CSMD1: variants seen among roughly 807,000 people sequenced by gnomAD.
CSMD1 encodes the protein CUB and Sushi multiple domains 1.
A neutral mutation model predicts 417.5 loss-of-function variants in CSMD1; 213 were observed. The ratio of observed to expected loss-of-function variants is 0.51; its 90% CI spans 0.46 to 0.57. The LOEUF (loss-of-function observed/expected upper bound fraction) is 0.57. CSMD1 is among the 20% of genes least tolerant of loss of function. The pLI is 0.00. For synonymous variants in CSMD1, 2,862 were observed against 1,736.8 expected (o/e 1.65, Z -16.11); for missense variants, 6,923 against 4,529.7 (o/e 1.53, Z -15.17).
intron 5 of CSMD1, among the ~76,000 whole-genome samples, chr8:3,868,492 G>C (rs180713317): frequency 9.8e-4 from 149 of 152,122 alleles, no homozygotes; most frequent in African/African-American, 3.4e-3. Context: ...TCATTCAACA[G>C]ACACAAAGAA....
In CSMD1 at chr8:4,554,406, C is replaced by T. The variant is rs116943127; in HGVS notation, c.302+82936G>A. ...CCTGCCTCGGCCTCCCAAAGTGCTA[C>T]GATAACAGGCGTGAACAGGCCACCG... On this transcript the variant is annotated intron_variant, in intron 2 of 69. Transcript: ENST00000635120. 7.6e-3 allele frequency among the ~76,000 whole-genome samples: 1,151 copies of T among 152,232 alleles called. 5 individuals are homozygous for T. The highest frequency in any genetic ancestry group is 0.011 in the Non-Finnish European group (722 of 68,012).
intron 4 of CSMD1, among the ~76,000 whole-genome samples, chr8:4,025,412 G>A (rs1046183380): frequency 2.0e-5 from 3 of 152,168 alleles, no homozygotes; most frequent in East Asian, 1.9e-4. Context: ...ATCCTAGGCT[G>A]TACCATTATT....
At chr8:3,085,652 G>C (rs571767633) in intron 49 of CSMD1, among the ~76,000 whole-genome samples, 52 of 152,258 alleles carry the variant, frequency 3.4e-4, no homozygotes, top group African/African-American at 1.3e-3. Flanking sequence ...GCATTAAATA[G>C]TTCTGCTGGG....
At chr8:3,705,394 G>T (rs76742162) in intron 7 of CSMD1, among the ~76,000 whole-genome samples, 2 of 152,148 alleles carry the variant, frequency 1.3e-5, no homozygotes, top group Non-Finnish European at 2.9e-5. Flanking sequence ...TACAGGAGCT[G>T]CTAGCAGTGT....
chr8:3,553,005 T>C (rs557901636), intron 10 of CSMD1, among the ~76,000 whole-genome samples: 102 of 152,144 alleles, frequency 6.7e-4, no homozygotes, highest in Admixed American at 1.6e-3. Context: ...TCACGTACTG[T>C]CTGTCAATTA....
Position 3,586,217 on chromosome 8 carries a change from G to A in CSMD1, c.1141C>T (p.Leu381Phe), listed in dbSNP as rs759635914. ...CAGGTGATGCTTTTAGATCCCTGGA[G>A]CACGTAATTGTCCTCACATGAAAAC... ...VQFSCEDNYVLQGSKSITCQR... is the reference protein window; with the variant it reads ...VQFSCEDNYVFQGSKSITCQR... The change falls in exon 9 of 70, where the codon CTC becomes TTC. Residue 381 changes from leucine (L) to phenylalanine (F), a missense_variant. Physicochemically the swap from Leu to Phe is conservative, Grantham distance 22. Transcript: ENST00000635120. 23 of 1,611,254 alleles carry A rather than the reference G, an allele frequency of 1.4e-5. No homozygotes were observed. In the Admixed American group the frequency reaches 3.0e-4, roughly 21 times the overall value.
intron 5 of CSMD1, among the ~76,000 whole-genome samples, chr8:3,967,875 G>C (rs1004271877): frequency 6.6e-6 from 1 of 151,856 alleles, no homozygotes; most frequent in African/African-American, 2.4e-5. Flanking sequence ...GCTTAAGAAT[G>C]TGCCACAATT....
At chr8:3,556,103 G>C (rs1266172230) in intron 10 of CSMD1, among the ~76,000 whole-genome samples, 2 of 151,950 alleles carry the variant, frequency 1.3e-5, no homozygotes, top group East Asian at 1.9e-4. Context: ...AACTACATAA[G>C]ACTCCTCACA....
intron 2 of CSMD1, among the ~76,000 whole-genome samples, chr8:4,508,455 T>A (rs1036658379): frequency 6.6e-6 from 1 of 152,186 alleles, no homozygotes; most frequent in Non-Finnish European, 1.5e-5. Context: ...ATGAAACAAG[T>A]AAGAATTTTA....
chr8:4,845,734 G>A (rs1801103615), intron 1 of CSMD1, among the ~76,000 whole-genome samples: 1 of 152,186 alleles, frequency 6.6e-6, no homozygotes, highest in African/African-American at 2.4e-5. Flanking sequence ...CAGAGAGGGA[G>A]CACTGGCCGG....
At chr8:3,509,438 C>G (rs1464401227) in intron 10 of CSMD1, among the ~76,000 whole-genome samples, 1 of 152,174 alleles carries the variant, frequency 6.6e-6, no homozygotes. Flanking sequence ...TTTGGTGATT[C>G]TGCCTTCTAT....
chr8:4,798,243 A>G (rs1227548873), intron 1 of CSMD1, among the ~76,000 whole-genome samples: 1 of 152,078 alleles, frequency 6.6e-6, no homozygotes, highest in African/African-American at 2.4e-5. Flanking sequence ...GTTCCCACCT[A>G]TGAGTGAGAA....
chr8:3,669,743 G>C (rs572841363), intron 7 of CSMD1, among the ~76,000 whole-genome samples: 1 of 152,098 alleles, frequency 6.6e-6, no homozygotes, highest in African/African-American at 2.4e-5. Flanking sequence ...CAGGGGCCCT[G>C]ACCTGGCTAA....
chr8:4,753,690 A>C (rs1425549848), intron 1 of CSMD1, among the ~76,000 whole-genome samples: 2 of 152,022 alleles, frequency 1.3e-5, no homozygotes, highest in African/African-American at 4.8e-5. Flanking sequence ...GTCTCTTCTG[A>C]CCTTCTGCTC....
chr8:3,559,005 G>T (rs1332391956), intron 10 of CSMD1, among the ~76,000 whole-genome samples: 3 of 152,200 alleles, frequency 2.0e-5, no homozygotes, highest in African/African-American at 7.2e-5. Flanking sequence ...GGACTGCCGT[G>T]GTGGTCTGGT....
chr8:3,093,471 A>C (rs534229946), intron 47 of CSMD1, among the ~76,000 whole-genome samples: 1 of 152,308 alleles, frequency 6.6e-6, no homozygotes, highest in Non-Finnish European at 1.5e-5. Flanking sequence ...GTTTGAGACC[A>C]GCCTGGCCAA....
At chr8:3,198,450 T>C (rs557037029) in intron 33 of CSMD1, among the ~76,000 whole-genome samples, 64 of 152,200 alleles carry the variant, frequency 4.2e-4, no homozygotes, top group Non-Finnish European at 7.8e-4. Flanking sequence ...TCTAATAAAG[T>C]CCATTTTTAA....
intron 5 of CSMD1, among the ~76,000 whole-genome samples, chr8:3,885,931 T>A (rs2688386): frequency 0.064 from 9,767 of 152,164 alleles, 1,033 homozygotes; most frequent in African/African-American, 0.22. Context: ...ATATAAATTG[T>A]TAAAAGTTGA....
chr8:3,632,380 T>C (rs1011530088), intron 7 of CSMD1, among the ~76,000 whole-genome samples: 16 of 152,246 alleles, frequency 1.1e-4, no homozygotes, highest in African/African-American at 2.2e-4. Flanking sequence ...CAATGACTTA[T>C]TGAATCAAAA....
Sources: allele counts gnomAD v4.1 joint callset (sites outside exome capture counted in the v4.1 genomes callset), GRCh38; gene constraint gnomAD v4.1.1; transcripts MANE v1.5; gene names NCBI Gene and HGNC (gene_info 2026-07-23, HGNC 2026-07-21).